PRIM1: variants seen among roughly 807,000 people sequenced by gnomAD.
The protein encoded by PRIM1 is DNA primase small subunit.
A neutral mutation model predicts 60.2 loss-of-function variants in PRIM1; 38 were observed. The observed-to-expected ratio is 0.63, with a 90% confidence interval of 0.49 to 0.83. The LOEUF is 0.83. Among genes scored for constraint, PRIM1 ranks in the 40% least tolerant of loss-of-function variants. The pLI is 0.00. For synonymous variants in PRIM1, 158 were observed against 160.2 expected (o/e 0.99, Z 0.10); for missense variants, 388 against 506.2 (o/e 0.77, Z 2.24).
intron 1 of PRIM1, chr12:56,751,640 G>A (rs1953962509): frequency 6.5e-6 from 1 of 153,400 alleles, no homozygotes; most frequent in African/African-American, 2.4e-5. Context: ...AGATGTAAAA[G>A]AAAAACAAAA....
At chr12:56,749,015 C>T (rs1346329161) in intron 2 of PRIM1, among the ~76,000 whole-genome samples, 4 of 151,340 alleles carry the variant, frequency 2.6e-5, no homozygotes, top group Admixed American at 2.6e-4. Context: ...GGAAGGGTAG[C>T]AGAATTTTTT....
In PRIM1 at chr12:56,746,852, G is replaced by C. The variant is rs1356743669; in HGVS notation, c.371C>G (p.Ser124Cys). The change falls in exon 4 of 13, where the codon TCT becomes TGT. Residue 124 changes from serine (S) to cysteine (C), a missense_variant and splice_region_variant. Physicochemically the swap from Ser to Cys is moderately radical, Grantham distance 112. Coordinates refer to ENST00000338193, the MANE Select transcript of PRIM1 (RefSeq NM_000946.3). Reference sequence around the variant, plus strand: ...CCAGCACTTAGGACATATGTCTGCAGAACTAAAGCAGAGTCATCATTACTC... The same window carrying C: ...CCAGCACTTAGGACATATGTCTGCACAACTAAAGCAGAGTCATCATTACTC... ...DYDDVRRCCS[S>C]ADICPKCWTL... 1.9e-6 allele frequency: 3 copies of C among 1,613,722 alleles called. No homozygotes were observed. The highest frequency in any genetic ancestry group is 2.5e-6 in the Non-Finnish European group (3 of 1,179,832).
chr12:56,741,770 C>G lies in PRIM1; in HGVS notation c.816G>C (p.Leu272Phe). ...SHNSLQRWEH[L>F]KKVASRYQNN... ...CCTGATATCTGCTGGCTACTTTCTT[C>G]AAGTGCTCCCAACGCTGAAGTGAAT... Residue 272 changes from leucine (L) to phenylalanine (F), a missense_variant, in exon 8 of 13, where the codon TTG (leucine) becomes TTC (phenylalanine). Leu to Phe is a conservative substitution (Grantham distance 22, BLOSUM62 0). Coordinates refer to ENST00000338193, the MANE Select transcript of PRIM1 (RefSeq NM_000946.3). 1 of 1,613,942 alleles carries G rather than the reference C, an allele frequency of 6.2e-7. No individual in the cohort carries two copies. The highest frequency in any genetic ancestry group is 8.5e-7 in the Non-Finnish European group (1 of 1,179,870).
At chr12:56,731,833 C>T (rs1016128393) in intron 12 of PRIM1, 99 bp from the exon 13 acceptor site, 3 of 893,902 alleles carry the variant, frequency 3.4e-6, no homozygotes, top group African/African-American at 3.5e-5. Flanking sequence ...CTATTTAACA[C>T]ACATCATGCA....
intron 11 of PRIM1, among the ~76,000 whole-genome samples, chr12:56,735,070 C>T (rs550014955): frequency 2.8e-4 from 42 of 151,838 alleles, no homozygotes; most frequent in African/African-American, 9.9e-4. Context: ...TTTGGCCTCC[C>T]AAAGTGCTGG....
intron 11 of PRIM1, among the ~76,000 whole-genome samples, chr12:56,735,839 T>C (rs1953823587): frequency 6.6e-6 from 1 of 150,804 alleles, no homozygotes; most frequent in African/African-American, 2.4e-5. Context: ...TTAGTAAAGA[T>C]GGGGTTTCGC....
chr12:56,743,376 G>A (rs1184208363), intron 6 of PRIM1: 2 of 227,316 alleles, frequency 8.8e-6, no homozygotes, highest in Non-Finnish European at 1.7e-5. Context: ...CGCAATAAGG[G>A]TAGAAAGTAA....
At position 56,752,323 on chromosome 12, in the gene PRIM1, G is replaced by A. The variant is rs773450742; in HGVS notation, c.-25C>T. 6.6e-7 allele frequency: 1 copy of A among 1,514,108 alleles called. No homozygotes were observed. Among genetic ancestry groups the A allele is most frequent in the East Asian group, 2.5e-5 (1 of 40,732 alleles). 93.8% of individuals were successfully genotyped at this position (1,514,108 alleles called of 1,614,324 possible). A position where few individuals can be genotyped will look rare whatever the true frequency, so the allele number is the denominator to read the frequency against. The stretch of plus-strand genomic sequence containing the variant: ...TTGAGCGCGGAACTCGCCACGGTAA[G>A]GATTACCACAGGAATTGGCGGGAAC... On this transcript the variant is annotated 5_prime_UTR_variant, in exon 1 of 13. Transcript: ENST00000338193.
chr12:56,735,839 T>TG (rs977905200), intron 11 of PRIM1, among the ~76,000 whole-genome samples: 1 of 150,810 alleles, frequency 6.6e-6, no homozygotes, highest in Non-Finnish European at 1.5e-5. Context: ...TTAGTAAAGA[T>TG]GGGGTTTCGC....
intron 1 of PRIM1, chr12:56,751,465 T>C: frequency 5.0e-6 from 1 of 199,998 alleles, no homozygotes; most frequent in Non-Finnish European, 1.0e-5. Context: ...TTTGTATTTT[T>C]TGTAGAAACG....
At chr12:56,740,709 A>T (rs562150632) in intron 9 of PRIM1, among the ~76,000 whole-genome samples, 1 of 152,262 alleles carries the variant, frequency 6.6e-6, no homozygotes, top group African/African-American at 2.4e-5. Flanking sequence ...GTGAGCCGAG[A>T]TTGCACCAGT....
At chr12:56,742,715 G>C (rs1429710343) in intron 7 of PRIM1, among the ~76,000 whole-genome samples, 1 of 152,114 alleles carries the variant, frequency 6.6e-6, no homozygotes, top group Non-Finnish European at 1.5e-5. Context: ...GTTTTCCCTG[G>C]TCTGCATGTA....
intron 6 of PRIM1, 196 bp downstream of exon 6, chr12:56,743,869 G>GT (rs1953888925): frequency 8.9e-6 from 4 of 449,128 alleles, no homozygotes; most frequent in African/African-American, 4.0e-5. Context: ...CTCTTGTGGG[G>GT]TTTTTTTGAA....
chr12:56,751,561 T>C (rs1447284780), intron 1 of PRIM1: 5 of 159,668 alleles, frequency 3.1e-5, no homozygotes, highest in South Asian at 1.7e-4. Flanking sequence ...GCTGGGATTA[T>C]AGGCGTAAGC....
intron 9 of PRIM1, among the ~76,000 whole-genome samples, chr12:56,740,815 CT>C (rs1463975491): frequency 1.3e-5 from 2 of 151,784 alleles, no homozygotes; most frequent in African/African-American, 4.8e-5. Flanking sequence ...TCATTTCTTT[CT>C]TTTTTTCTTT....
chr12:56,734,394 A>G (rs1953807917), intron 11 of PRIM1, 149 bp from the exon 12 acceptor site: 1 of 529,200 alleles, frequency 1.9e-6, no homozygotes, highest in Non-Finnish European at 3.3e-6. Flanking sequence ...TATTAGTCAC[A>G]TTAAAAAAGG....
intron 1 of PRIM1, among the ~76,000 whole-genome samples, chr12:56,751,966 G>GTTTT (rs66861394): frequency 1.4e-4 from 11 of 79,346 alleles, no homozygotes; most frequent in African/African-American, 4.7e-4. Context: ...CGGCGGCTCT[G>GTTTT]TTTTTTTTTT....
chr12:56,744,936 C>T (rs1205593745), intron 5 of PRIM1, among the ~76,000 whole-genome samples: 1 of 151,916 alleles, frequency 6.6e-6, no homozygotes, highest in Non-Finnish European at 1.5e-5. Context: ...CACCTGCCAA[C>T]ACGCCTGGCT....
Position 56,741,783 on chromosome 12 carries a change from C to T in PRIM1, c.803G>A (p.Arg268His), listed in dbSNP as rs759991996. ...GGCTACTTTCTTCAAGTGCTCCCAA[C>T]GCTGAAGTGAATTGTGAGACTTTTG... ...SFQKSHNSLQ[R>H]WEHLKKVASR... The change falls in exon 8 of 13, where the codon CGT (arginine) becomes CAT (histidine). Residue 268 changes from arginine (R) to histidine (H), a missense_variant. This residue lies in a region of PRIM1 where 211 missense variants were observed against 277.9 expected (regional missense o/e 0.76). Coordinates refer to ENST00000338193, the MANE Select transcript of PRIM1 (RefSeq NM_000946.3). 8.1e-6 allele frequency: 13 copies of T among 1,613,826 alleles called. No homozygotes were observed. The highest frequency in any genetic ancestry group is 5.5e-5 in the South Asian group (5 of 91,090).
Sources: allele counts gnomAD v4.1 joint callset (sites outside exome capture counted in the v4.1 genomes callset), GRCh38; gene constraint gnomAD v4.1.1; regional missense constraint gnomAD v4.1.1; transcripts MANE v1.5; gene names NCBI Gene and HGNC (gene_info 2026-07-23, HGNC 2026-07-21).